The following COMMD10 variants were observed in gnomAD, a reference collection of about 807,000 sequenced individuals.
The protein encoded by COMMD10 is COMM domain-containing protein 10.
COMMD10 carries 33 observed loss-of-function variants against 28.9 expected under a neutral mutation model. That is an observed-to-expected ratio of 1.14 (90% confidence interval 0.87 to 1.53). The LOEUF is 1.53. COMMD10 is among the 40% of genes most tolerant of loss of function. The pLI, the probability that COMMD10 is intolerant of heterozygous loss-of-function variation, is 0.00. For missense variants in COMMD10, 310 were observed against 233.4 expected, an observed-to-expected ratio of 1.33 and a Z score of -2.14; for synonymous variants, 110 against 81.7, an observed-to-expected ratio of 1.35 and a Z score of -1.87.
chr5:116,130,204 A>G (rs1393374477), intron 4 of COMMD10, among the ~76,000 whole-genome samples: 1 of 151,848 alleles, frequency 6.6e-6, no homozygotes, highest in Non-Finnish European at 1.5e-5. Context: ...GAATGTGCTT[A>G]CTGTATGCGG....
intron 5 of COMMD10, among the ~76,000 whole-genome samples, chr5:116,249,025 G>A (rs1270375472): frequency 6.6e-6 from 1 of 151,884 alleles, no homozygotes; most frequent in Non-Finnish European, 1.5e-5. Flanking sequence ...AAATGTTAAT[G>A]ATATTGTCTT....
chr5:116,235,319 C>T (rs1200732766), intron 5 of COMMD10, among the ~76,000 whole-genome samples: 2 of 152,158 alleles, frequency 1.3e-5, no homozygotes, highest in Non-Finnish European at 2.9e-5. Context: ...CCTTTGGCTG[C>T]AAATTGTAGG....
chr5:116,172,790 C>G (rs573476145), intron 5 of COMMD10, among the ~76,000 whole-genome samples: 33 of 152,218 alleles, frequency 2.2e-4, no homozygotes, highest in African/African-American at 7.5e-4. Context: ...CTAACCTTTC[C>G]TCATCTGAGA....
At chr5:116,285,660 A>C (rs1751201158) in intron 5 of COMMD10, among the ~76,000 whole-genome samples, 1 of 152,004 alleles carries the variant, frequency 6.6e-6, no homozygotes, top group Non-Finnish European at 1.5e-5. Context: ...TACACTAATC[A>C]ATTTTCATAT....
chr5:116,190,813 A>T (rs1158262488), intron 5 of COMMD10, among the ~76,000 whole-genome samples: 1 of 152,220 alleles, frequency 6.6e-6, no homozygotes, highest in Non-Finnish European at 1.5e-5. Flanking sequence ...AAACTTTGAG[A>T]TAGCTACATG....
At chr5:116,172,666 C>T (rs556060376) in intron 5 of COMMD10, among the ~76,000 whole-genome samples, 1 of 152,230 alleles carries the variant, frequency 6.6e-6, no homozygotes, top group South Asian at 2.1e-4. Flanking sequence ...AAGTCATACT[C>T]CAGGGTATCT....
At chr5:116,089,578 A>G (rs1750230493) in intron 2 of COMMD10, among the ~76,000 whole-genome samples, 1 of 152,098 alleles carries the variant, frequency 6.6e-6, no homozygotes, top group African/African-American at 2.4e-5. Flanking sequence ...TGTCTTTGAC[A>G]CTCTCAGTCA....
intron 5 of COMMD10, among the ~76,000 whole-genome samples, chr5:116,200,867 T>C (rs1221076761): frequency 1.3e-5 from 2 of 152,150 alleles, no homozygotes; most frequent in East Asian, 1.9e-4. Flanking sequence ...CCTGATCTTA[T>C]GATTCCAACA....
In COMMD10 at chr5:116,156,534, T is replaced by C. The variant is rs115963673; in HGVS notation, c.510+22356T>C. ...ACACCATTATTTGAGCTGGAAAATATGCCCTTTAAGCAACATTTTCGTTCT... is the reference window on the plus strand; with the variant it reads ...ACACCATTATTTGAGCTGGAAAATACGCCCTTTAAGCAACATTTTCGTTCT... On this transcript the variant is annotated intron_variant, in intron 5 of 6. Transcript: ENST00000274458. Among the ~76,000 whole-genome samples, 460 of 152,254 alleles carry C rather than the reference T, an allele frequency of 3.0e-3. 3 individuals carry two copies. The highest frequency in any genetic ancestry group is 0.011 in the African/African-American group (439 of 41,560).
intron 4 of COMMD10, among the ~76,000 whole-genome samples, chr5:116,119,001 A>G (rs1751334228): frequency 6.6e-6 from 1 of 152,208 alleles, no homozygotes; most frequent in Admixed American, 6.5e-5. Flanking sequence ...AATAGAGTTG[A>G]TGTACTTTTT....
At chr5:116,090,208 T>C (rs1750251288) in intron 2 of COMMD10, among the ~76,000 whole-genome samples, 1 of 152,222 alleles carries the variant, frequency 6.6e-6, no homozygotes, top group Non-Finnish European at 1.5e-5. Context: ...GAGTCCTCTT[T>C]GGCCATCTTC....
intron 5 of COMMD10, among the ~76,000 whole-genome samples, chr5:116,239,393 A>G (rs577935586): frequency 6.6e-6 from 1 of 152,286 alleles, no homozygotes; most frequent in African/African-American, 2.4e-5. Context: ...TACTGAAGAA[A>G]AGGGAAGATT....
At chr5:116,171,627 A>G (rs1373291434) in intron 5 of COMMD10, among the ~76,000 whole-genome samples, 2 of 152,204 alleles carry the variant, frequency 1.3e-5, no homozygotes, top group Non-Finnish European at 2.9e-5. Flanking sequence ...GCACATATAC[A>G]CCATGGAATA....
At chr5:116,127,445 T>G (rs1329269622) in intron 4 of COMMD10, among the ~76,000 whole-genome samples, 1 of 152,176 alleles carries the variant, frequency 6.6e-6, no homozygotes, top group African/African-American at 2.4e-5. Context: ...CAAAGGATTA[T>G]AAATCATGCT....
intron 5 of COMMD10, among the ~76,000 whole-genome samples, chr5:116,280,663 T>C (rs1751045890): frequency 6.6e-6 from 1 of 151,878 alleles, no homozygotes; most frequent in African/African-American, 2.4e-5. Flanking sequence ...GACTAACAGT[T>C]GTAAATGTAA....
intron 5 of COMMD10, among the ~76,000 whole-genome samples, chr5:116,188,076 T>G (rs1480923833): frequency 6.6e-6 from 1 of 152,180 alleles, no homozygotes; most frequent in Non-Finnish European, 1.5e-5. Flanking sequence ...TCTGTTAGTT[T>G]CCAGTAACTA....
intron 5 of COMMD10, among the ~76,000 whole-genome samples, chr5:116,283,658 G>A (rs1315069755): frequency 1.3e-5 from 2 of 151,516 alleles, no homozygotes; most frequent in South Asian, 2.1e-4. Context: ...GTTATTTTGA[G>A]GCCTGGCCTC....
At chr5:116,149,008 C>A (rs530940837) in intron 5 of COMMD10, among the ~76,000 whole-genome samples, 2 of 118,786 alleles carry the variant, frequency 1.7e-5, no homozygotes, top group Admixed American at 1.9e-4. Context: ...CCCCTCCCCC[C>A]ACCCCACAGC....
intron 4 of COMMD10, among the ~76,000 whole-genome samples, chr5:116,104,086 C>T (rs1185911550): frequency 6.6e-6 from 1 of 152,148 alleles, no homozygotes; most frequent in East Asian, 1.9e-4. Flanking sequence ...TAGCATGATG[C>T]CTCCAGCTTT....
Sources: gnomAD v4.1 joint callset for allele counts (sites outside exome capture counted in the v4.1 genomes callset) on GRCh38, gnomAD v4.1.1 for gene constraint, MANE v1.5 for transcripts, NCBI Gene and HGNC (gene_info 2026-07-23, HGNC 2026-07-21) for gene names.